Variants in DST observed in about 807,000 individuals in gnomAD.
DST encodes dystonin, also known as bullous pemphigoid antigen.
DST carries 253 observed loss-of-function variants against 875.2 expected under a neutral mutation model. The ratio of observed to expected loss-of-function variants is 0.29; its 90% CI spans 0.26 to 0.32. DST has a LOEUF of 0.32. DST is among the 10% of genes least tolerant of loss of function. The probability of loss-of-function intolerance (pLI) is 1.00; values close to 1 mark genes in which losing one functional copy is unlikely to be tolerated. For synonymous variants in DST, 3,124 were observed against 3,197.1 expected (o/e 0.98, Z 0.77); for missense variants, 8,287 against 9,111.6 (o/e 0.91, Z 3.68).
intron 4 of DST, among the ~76,000 whole-genome samples, chr6:56,825,351 A>G (rs1018869159): frequency 1.4e-4 from 21 of 149,560 alleles, no homozygotes; most frequent in African/African-American, 5.2e-4. Flanking sequence ...ACCCAGGGAC[A>G]CAAACACTGC....
intron 4 of DST, among the ~76,000 whole-genome samples, chr6:56,782,237 C>T (rs199883349): frequency 1.9e-4 from 29 of 152,238 alleles, no homozygotes; most frequent in East Asian, 5.8e-4. Context: ...GCTGGCCTCA[C>T]AAAATGAGTG....
At chr6:56,611,188 G>C (rs1363508938) in intron 38 of DST, among the ~76,000 whole-genome samples, 1 of 152,062 alleles carries the variant, frequency 6.6e-6, no homozygotes, top group Non-Finnish European at 1.5e-5. Context: ...CAAAGAATAA[G>C]TCTCACAGAG....
chr6:56,607,076 G>C lies in DST; in HGVS notation c.7552C>G (p.Gln2518Glu). The change falls in exon 40 of 104, where the codon CAA (glutamine) becomes GAA (glutamate). Residue 2518 changes from glutamine to glutamate, a missense_variant. Physicochemically the swap from Gln to Glu is conservative, Grantham distance 29 (BLOSUM62 2). Around this residue, in one of 10 missense-constraint regions of DST, gnomAD observed 3,138 missense variants for 3,116.6 expected, o/e 1.01. Coordinates refer to ENST00000680361, the MANE Select transcript of DST (RefSeq NM_001374736.1). ...KSLNMISSNP[Q>E]VQYHNDKYIS... ...TATTTATCATTGTGATATTGTACTT[G>C]AGGATTACTAGAAATCATATTTAAA... 2 of 1,613,086 alleles carry C rather than the reference G, an allele frequency of 1.2e-6. No homozygotes were observed. Among genetic ancestry groups the C allele is most frequent in the Non-Finnish European group, 8.5e-7 (1 of 1,179,484 alleles).
chr6:56,493,885 C>CA lies in DST; in HGVS notation c.20394+124dup, dbSNP rs2095831217. The CA allele has an allele frequency of 1.6e-5, 11 of 707,262 alleles. No homozygotes were observed. The South Asian group carries it at 2.1e-4, about 13-fold the overall frequency. 43.8% of individuals were successfully genotyped at this position (707,262 alleles called of 1,614,324 possible). On this transcript the variant is annotated intron_variant, in intron 83 of 103. Transcript: ENST00000680361. The stretch of plus-strand genomic sequence containing the variant: ...ACCCCATGAAATCTCCAAATATATA[C>CA]AAAAAATGTTTAAACATAAATCATT...
chr6:56,479,355 A>G (rs1297473159), intron 90 of DST, among the ~76,000 whole-genome samples: 1 of 152,216 alleles, frequency 6.6e-6, no homozygotes, highest in African/African-American at 2.4e-5. Flanking sequence ...TGCCTATGAA[A>G]AACAGTATGA....
Position 56,536,778 on chromosome 6 carries a change from CCTT to C in DST, c.16768_16770del (p.Lys5590del). 1 of 1,535,328 alleles carries C rather than the reference CCTT, an allele frequency of 6.5e-7. No individual in the cohort carries two copies. The highest frequency in any genetic ancestry group is 8.8e-7 in the Non-Finnish European group (1 of 1,138,056). ...AGCAATGAAGGGGGTGAGAAAATTA[CCTT>C]CTTATTGAGAGTCTTCCACCGTGCA... On this transcript the variant is annotated inframe_deletion and splice_region_variant, in exon 62 of 104. Coordinates refer to ENST00000680361, the MANE Select transcript of DST (RefSeq NM_001374736.1).
chr6:56,902,941 T>TTCTCTC (rs139723497), intron 2 of DST, among the ~76,000 whole-genome samples: 1 of 130,138 alleles, frequency 7.7e-6, no homozygotes, highest in East Asian at 2.6e-4. Flanking sequence ...CACACATTCA[T>TTCTCTC]TCTCTCTCTC....
chr6:56,718,028 T>A (rs2099401078), intron 5 of DST, among the ~76,000 whole-genome samples: 1 of 152,102 alleles, frequency 6.6e-6, no homozygotes, highest in African/African-American at 2.4e-5. Context: ...GGAAAATTGT[T>A]TGAGACGAGT....
At chr6:56,735,051 A>G in intron 5 of DST, 177 bp downstream of exon 5, 1 of 577,544 alleles carries the variant, frequency 1.7e-6, no homozygotes, top group Non-Finnish European at 3.1e-6. Flanking sequence ...CTCCATCATT[A>G]CCCACCGTCC....
chr6:56,627,923 C>G, intron 33 of DST, 76 bp downstream of exon 33: 1 of 1,397,110 alleles, frequency 7.2e-7, no homozygotes, highest in Non-Finnish European at 1.0e-6. Context: ...TTTCATTTAA[C>G]ATAGGAAAGG....
At chr6:56,519,663 A>AACTCCC (rs1057354548) in intron 69 of DST, among the ~76,000 whole-genome samples, 12 of 152,148 alleles carry the variant, frequency 7.9e-5, no homozygotes, top group Admixed American at 7.9e-4. Flanking sequence ...AGGGAGCTGG[A>AACTCCC]ACTCCCACTC....
In DST at chr6:56,491,254, T is replaced by C. The variant is rs1350501003; in HGVS notation, c.20757+973A>G. On this transcript the variant is annotated intron_variant, in intron 85 of 103. Coordinates refer to ENST00000680361, the MANE Select transcript of DST (RefSeq NM_001374736.1). ...ACATTTGTACTGTTAGCATTAAACA[T>C]TGAAACACCTGACTCCCGTGACATC... Among the ~76,000 whole-genome samples, 6 of 152,204 alleles carry C rather than the reference T, an allele frequency of 3.9e-5. No individual in the cohort carries two copies. The East Asian group carries it at 5.8e-4, about 15-fold the overall frequency.
chr6:56,528,877 A>G lies in DST; in HGVS notation c.17644T>C (p.Leu5882=), dbSNP rs1396461314. Reference sequence around the variant, plus strand: ...TTAAGTAGTTCTAAACCATTTAGTAAAGCCTGATCTACATTTTGTTTCCTG... The same window carrying G: ...TTAAGTAGTTCTAAACCATTTAGTAGAGCCTGATCTACATTTTGTTTCCTG... ...LLRKQNVDQA[L]LNGLELLKQT... Residue 5882 remains leucine (L), a synonymous_variant, in exon 67 of 104, where the codon TTA becomes CTA. Transcript: ENST00000680361. 1 of 1,587,204 alleles carries G rather than the reference A, an allele frequency of 6.3e-7. No homozygotes were observed. Among genetic ancestry groups the G allele is most frequent in the African/African-American group, 1.3e-5 (1 of 74,772 alleles).
intron 62 of DST, among the ~76,000 whole-genome samples, chr6:56,536,543 G>A (rs1389933096): frequency 6.6e-6 from 1 of 152,148 alleles, no homozygotes; most frequent in Non-Finnish European, 1.5e-5. Flanking sequence ...ACCCTGTCTT[G>A]ATTAAAGGCG....
At chr6:56,625,013 C>T (rs1013395017) in intron 35 of DST, 144 bp downstream of exon 35, 1 of 683,806 alleles carries the variant, frequency 1.5e-6, no homozygotes, top group African/African-American at 1.8e-5. Context: ...TGATATACTG[C>T]AATGTCATTA....
chr6:56,692,113 T>G (rs559643847), intron 9 of DST, among the ~76,000 whole-genome samples: 27 of 152,172 alleles, frequency 1.8e-4, no homozygotes, highest in Non-Finnish European at 3.4e-4. Flanking sequence ...ATTCAAAAGA[T>G]ATGCACTCTC....
intron 75 of DST, among the ~76,000 whole-genome samples, chr6:56,507,298 T>C (rs2096348262): frequency 6.6e-6 from 1 of 152,226 alleles, no homozygotes; most frequent in Non-Finnish European, 1.5e-5. Context: ...ACTTTTGCTT[T>C]CATCTTCTTG....
chr6:56,618,365 T>G (rs781076493), intron 36 of DST: 6 of 1,614,098 alleles, frequency 3.7e-6, no homozygotes, highest in Non-Finnish European at 5.1e-6. Context: ...TCCAGAGTGC[T>G]GGCACTCCTT....
In DST at chr6:56,549,652, C is replaced by A. The variant is rs111928787; in HGVS notation, c.16608+2532G>T. Among the ~76,000 whole-genome samples, 368 of 152,256 alleles carry A rather than the reference C, an allele frequency of 2.4e-3. 1 individual carries two copies. Among genetic ancestry groups the A allele is most frequent in the African/African-American group, 8.7e-3 (363 of 41,560 alleles). ...CATCACCCTTATCATATCACGGCAC[C>A]TACATAACATCAGTTTCTAAGACTG... On this transcript the variant is annotated intron_variant, in intron 61 of 103. Coordinates refer to ENST00000680361, the MANE Select transcript of DST (RefSeq NM_001374736.1).
Sources: allele counts gnomAD v4.1 joint callset (sites outside exome capture counted in the v4.1 genomes callset), GRCh38; gene constraint gnomAD v4.1.1; regional missense constraint gnomAD v4.1.1; transcripts MANE v1.5; gene names NCBI Gene and HGNC (gene_info 2026-07-23, HGNC 2026-07-21).